The following CCDC3 variants were observed in gnomAD, a reference collection of about 807,000 sequenced individuals.
The protein encoded by CCDC3 is coiled-coil domain containing 3.
A neutral mutation model predicts 21.4 loss-of-function variants in CCDC3; 24 were observed. The ratio of observed to expected loss-of-function variants is 1.12; its 90% CI spans 0.81 to 1.58. The LOEUF (loss-of-function observed/expected upper bound fraction) is 1.58, where lower values mean the gene tolerates loss of function less well. Among genes scored for constraint, CCDC3 ranks in the 40% most tolerant of loss-of-function variants. The pLI, the probability that CCDC3 is intolerant of heterozygous loss-of-function variation, is 0.00. For missense variants in CCDC3, 425 were observed against 360.9 expected (o/e 1.18, Z -1.44); for synonymous variants, 186 against 166.0 (o/e 1.12, Z -0.93).
At chr10:12,901,389 C>A (rs931475197) in intron 2 of CCDC3, among the ~76,000 whole-genome samples, 9 of 152,290 alleles carry the variant, frequency 5.9e-5, no homozygotes, top group African/African-American at 1.9e-4. Context: ...CCTGCCTCAG[C>A]CTCCTGAGTA....
intron 2 of CCDC3, among the ~76,000 whole-genome samples, chr10:12,916,573 T>C (rs982691689): frequency 6.9e-6 from 1 of 144,898 alleles, no homozygotes; most frequent in Non-Finnish European, 1.5e-5. Context: ...TGAGCTGAGA[T>C]CACGCCACTG....
At chr10:12,948,994 G>A (rs536544924) in intron 2 of CCDC3, among the ~76,000 whole-genome samples, 2 of 152,070 alleles carry the variant, frequency 1.3e-5, no homozygotes, top group African/African-American at 4.8e-5. Flanking sequence ...GCCTCCCAAA[G>A]TGCTGGGAGG....
chr10:12,981,005 T>C (rs1014607315), intron 2 of CCDC3, among the ~76,000 whole-genome samples: 10 of 152,118 alleles, frequency 6.6e-5, no homozygotes, highest in Non-Finnish European at 1.5e-4. Context: ...GGAGTCTCTC[T>C]TTGGGGGAGA....
At chr10:13,000,159 G>T (rs998734741) in intron 1 of CCDC3, among the ~76,000 whole-genome samples, 1 of 152,160 alleles carries the variant, frequency 6.6e-6, no homozygotes, top group Non-Finnish European at 1.5e-5. Context: ...CTACTTCCCA[G>T]ACTGGGAAAA....
At chr10:13,002,892 TTCTC>T (rs1403959716), upstream of CCDC3, among the ~76,000 whole-genome samples, 1 of 152,228 alleles carries the variant, frequency 6.6e-6, no homozygotes, top group Non-Finnish European at 1.5e-5. Flanking sequence ...TCACGTGGCC[TTCTC>T]TCTGTGTGTG....
chr10:12,910,096 C>T (rs796665117), intron 2 of CCDC3, among the ~76,000 whole-genome samples: 7 of 152,342 alleles, frequency 4.6e-5, no homozygotes, highest in African/African-American at 1.7e-4. Flanking sequence ...GGTCCTGCTT[C>T]AGCTAAGAGT....
intron 2 of CCDC3, among the ~76,000 whole-genome samples, chr10:12,920,296 G>A (rs1042060696): frequency 5.9e-5 from 9 of 152,138 alleles, no homozygotes; most frequent in African/African-American, 2.2e-4. Context: ...ACAGTATGGG[G>A]GAAACAGTCC....
intron 4 of CCDC3, among the ~76,000 whole-genome samples, chr10:13,071,222 C>T (rs541017354): frequency 6.6e-5 from 10 of 152,206 alleles, no homozygotes; most frequent in Non-Finnish European, 1.5e-4. Context: ...ACATCCTTTT[C>T]TCTCCCTGGT....
intron 2 of CCDC3, among the ~76,000 whole-genome samples, chr10:12,970,063 T>C (rs1176290927): frequency 6.6e-6 from 1 of 152,208 alleles, no homozygotes; most frequent in East Asian, 1.9e-4. Flanking sequence ...GGTAGTGTTT[T>C]TTCTAATGTA....
intron 5 of CCDC3, among the ~76,000 whole-genome samples, chr10:13,016,504 A>G (rs1308001522): frequency 6.6e-6 from 1 of 152,114 alleles, no homozygotes; most frequent in African/African-American, 2.4e-5. Context: ...CTAATGTACA[A>G]CGTAAATGTT....
At chr10:13,044,218 G>A (rs550602596) in intron 5 of CCDC3, among the ~76,000 whole-genome samples, 113 of 152,268 alleles carry the variant, frequency 7.4e-4, no homozygotes, top group African/African-American at 2.6e-3. Flanking sequence ...TTTCTTGCTT[G>A]TTGAATTGTT....
At chr10:13,076,915 A>G (rs1214996599) in intron 3 of CCDC3, among the ~76,000 whole-genome samples, 1 of 152,208 alleles carries the variant, frequency 6.6e-6, no homozygotes, top group Non-Finnish European at 1.5e-5. Flanking sequence ...CATAAGGGAC[A>G]AAAATTGCTT....
chr10:12,963,044 G>C (rs574983129), intron 2 of CCDC3, among the ~76,000 whole-genome samples: 1 of 152,182 alleles, frequency 6.6e-6, no homozygotes, highest in South Asian at 2.1e-4. Context: ...CTTTTTATTT[G>C]GTTAAGAGAC....
Position 13,055,350 on chromosome 10 carries a change from T to G in CCDC3, c.-269-5409A>C, listed in dbSNP as rs376622552. ...AGAATCCACTTCTTTTTTTTTTTTGTAGACAGGGTCTCACTCTGTCACCCA... is the reference window on the plus strand; with the variant it reads ...AGAATCCACTTCTTTTTTTTTTTTGGAGACAGGGTCTCACTCTGTCACCCA... On this transcript the variant is annotated intron_variant, in intron 4 of 6. Coordinates refer to the CCDC3 transcript ENST00000378839. 4.9e-4 allele frequency among the ~76,000 whole-genome samples: 73 copies of G among 149,702 alleles called. No individual in the cohort carries two copies. The South Asian group carries it at 0.015, about 31-fold the overall frequency.
intron 5 of CCDC3, among the ~76,000 whole-genome samples, chr10:13,036,677 G>T (rs1389707669): frequency 6.6e-6 from 1 of 151,718 alleles, no homozygotes; most frequent in East Asian, 2.0e-4. Context: ...TAGAGATGGG[G>T]TTTCACCATG....
At chr10:12,956,931 G>A (rs915126003) in intron 2 of CCDC3, among the ~76,000 whole-genome samples, 3 of 152,156 alleles carry the variant, frequency 2.0e-5, no homozygotes, top group South Asian at 4.1e-4. Context: ...AACCCAATAG[G>A]CACCTGACCT....
chr10:12,908,613 T>A (rs1834214497), intron 2 of CCDC3, among the ~76,000 whole-genome samples: 1 of 41,440 alleles, frequency 2.4e-5, no homozygotes, highest in Non-Finnish European at 4.2e-5. Context: ...GTGATTTTTC[T>A]TTTTTTTTTT....
intron 4 of CCDC3, among the ~76,000 whole-genome samples, chr10:13,055,724 C>T (rs1328685318): frequency 3.3e-5 from 5 of 152,186 alleles, no homozygotes; most frequent in Admixed American, 3.3e-4. Context: ...TTTATCTTCA[C>T]TGAAGGATTT....
chr10:12,985,454 G>A (rs755604375), intron 2 of CCDC3, among the ~76,000 whole-genome samples: 1 of 152,158 alleles, frequency 6.6e-6, no homozygotes, highest in Non-Finnish European at 1.5e-5. Flanking sequence ...GAAAACTTAT[G>A]CCTACACAAC....
Sources: gnomAD v4.1 joint callset for allele counts (sites outside exome capture counted in the v4.1 genomes callset) on GRCh38, gnomAD v4.1.1 for gene constraint, MANE v1.5 for transcripts, NCBI Gene and HGNC (gene_info 2026-07-23, HGNC 2026-07-21) for gene names.